Variants in TICRR observed in about 807,000 individuals in gnomAD.
TICRR encodes the protein TOPBP1 interacting checkpoint and replication regulator.
Under a neutral mutation model 178.1 loss-of-function variants are expected in TICRR, and 132 were observed. That is an observed-to-expected ratio of 0.74 (90% CI 0.64 to 0.86). TICRR has a LOEUF of 0.86. Among genes scored for constraint, TICRR ranks in the 40% least tolerant of loss-of-function variants. The probability of loss-of-function intolerance (pLI) is 0.00; values close to 1 mark genes in which losing one functional copy is unlikely to be tolerated. For missense variants in TICRR, 2,587 were observed against 2,334.3 expected, an observed-to-expected ratio of 1.11 and a Z score of -2.23; for synonymous variants, 991 against 900.7, an observed-to-expected ratio of 1.10 and a Z score of -1.79.
chr15:89,624,569 C>T lies in TICRR; in HGVS notation c.4259C>T (p.Ser1420Phe). The T allele has an allele frequency of 1.2e-6, 2 of 1,613,908 alleles. No individual in the cohort carries two copies. The highest frequency in any genetic ancestry group is 1.1e-5 in the South Asian group (1 of 91,076). The change falls in exon 20 of 22, where the codon TCT becomes TTT. Residue 1420 changes from serine (S) to phenylalanine (F), a missense_variant. Coordinates refer to ENST00000268138, the MANE Select transcript of TICRR (RefSeq NM_152259.4). ...TADSPAAPTD[S>F]RDDQKGLSLS... ...GACAGCCCAGCTGCCCCCACAGACT[C>T]TAGAGATGACCAGAAGGGACTGAGC...
chr15:89,624,788 C>T lies in TICRR; in HGVS notation c.4478C>T (p.Thr1493Ile), dbSNP rs900265007. 6.2e-7 allele frequency: 1 copy of T among 1,614,202 alleles called. No homozygotes were observed. The highest frequency in any genetic ancestry group is 8.5e-7 in the Non-Finnish European group (1 of 1,180,042). ...LSVEEGEGLR[T>I]ADAEKSSLSH... Reference sequence around the variant, plus strand: ...GTGGAAGAGGGTGAGGGGCTAAGGACAGCAGATGCTGAGAAGTCTTCTCTG... The same window carrying T: ...GTGGAAGAGGGTGAGGGGCTAAGGATAGCAGATGCTGAGAAGTCTTCTCTG... The change falls in exon 20 of 22, where the codon ACA becomes ATA. Residue 1493 changes from threonine (T) to isoleucine (I), a missense_variant. Physicochemically the swap from Thr to Ile is moderately conservative, Grantham distance 89. Coordinates refer to ENST00000268138, the MANE Select transcript of TICRR (RefSeq NM_152259.4).
intron 4 of TICRR, among the ~76,000 whole-genome samples, chr15:89,589,593 A>G (rs1027644609): frequency 2.1e-4 from 32 of 152,214 alleles, no homozygotes; most frequent in Admixed American, 4.6e-4. Flanking sequence ...CTAATCCAGC[A>G]TACAACGACT....
At chr15:89,582,242 TGAACCTGAGAGGTGGA>T (rs1170820656) in intron 1 of TICRR, 1 of 151,624 alleles carries the variant, frequency 6.6e-6, no homozygotes, top group Non-Finnish European at 1.5e-5. Context: ...GAGAATCGCT[TGAACCTGAGAGGTGGA>T]GGTTCCTGTG....
intron 15 of TICRR, 117 bp from the exon 16 acceptor site, chr15:89,616,288 G>T (rs1596055741): frequency 2.7e-6 from 2 of 753,676 alleles, no homozygotes; most frequent in East Asian, 2.7e-5. Context: ...AGACCATTAA[G>T]ATCCTCTCCA....
chr15:89,611,213 G>C (rs1286443030), intron 15 of TICRR, among the ~76,000 whole-genome samples: 1 of 151,914 alleles, frequency 6.6e-6, no homozygotes, highest in African/African-American at 2.4e-5. Context: ...AACTCCCTCA[G>C]CTTTTATCTA....
At chr15:89,603,404 C>G (rs556994774) in intron 13 of TICRR, among the ~76,000 whole-genome samples, 1 of 152,138 alleles carries the variant, frequency 6.6e-6, no homozygotes, top group Non-Finnish European at 1.5e-5. Context: ...TAGCGAGACC[C>G]TGTCTCTACA....
intron 1 of TICRR, 139 bp downstream of exon 1, chr15:89,576,379 A>C: frequency 1.2e-6 from 1 of 857,654 alleles, no homozygotes; most frequent in Non-Finnish European, 1.7e-6. Context: ...GAAACAAATA[A>C]ATAGGAACAG....
At position 89,625,452 on chromosome 15, in the gene TICRR, A is replaced by G. The variant is rs1462082168; in HGVS notation, c.5142A>G (p.Ser1714=). The change falls in exon 20 of 22, where the codon TCA becomes TCG. Residue 1714 remains serine (S), a synonymous_variant. Transcript: ENST00000268138. ...GTGCAGACCTTCCTGGGAGCCTGTC[A>G]CTGCTTGAGTCAGAGGGCAAGGACC... is the stretch of plus-strand genomic sequence containing the variant. ...EVGADLPGSL[S]LLESEGKDHG... The G allele has an allele frequency of 6.2e-7, 1 of 1,613,950 alleles. No homozygotes were observed.
chr15:89,601,393 C>A lies in TICRR; in HGVS notation c.2247+2C>A. ...GATATGGAACAAGTAGTGGAGGAGG[C>A]AAGTATATAGTTTCGTGCCATTGAA... is the stretch of plus-strand genomic sequence containing the variant. On this transcript the variant is annotated splice_donor_variant, in intron 10 of 21. Transcript: ENST00000268138. LOFTEE classifies it high-confidence loss of function. 1 of 1,613,860 alleles carries A rather than the reference C, an allele frequency of 6.2e-7. No individual in the cohort carries two copies. Among genetic ancestry groups the A allele is most frequent in the Admixed American group, 1.7e-5 (1 of 60,002 alleles).
intron 5 of TICRR, among the ~76,000 whole-genome samples, chr15:89,592,849 A>C (rs997760277): frequency 2.0e-5 from 3 of 152,214 alleles, no homozygotes; most frequent in Non-Finnish European, 4.4e-5. Context: ...AGTTGTTCCA[A>C]CACCATTTGC....
In TICRR at chr15:89,595,472, G is replaced by T. The variant is rs185656063; in HGVS notation, c.1761G>T (p.Leu587=). 15 of 1,614,054 alleles carry T rather than the reference G, an allele frequency of 9.3e-6. No homozygotes were observed. Among genetic ancestry groups the T allele is most frequent in the Middle Eastern group, 1.6e-4 (1 of 6,070 alleles). The change falls in exon 7 of 22, where the codon CTG becomes CTT. Residue 587 remains leucine (L), a synonymous_variant. Coordinates refer to ENST00000268138, the MANE Select transcript of TICRR (RefSeq NM_152259.4). ...RSLKMLNVAR[L]NVKAQKLHPD... ...TAAAGATGTTGAATGTCGCAAGGCT[G>T]AATGTGAAGGCCCAGAAGTTACATC... is the stretch of plus-strand genomic sequence containing the variant.
intron 15 of TICRR, among the ~76,000 whole-genome samples, chr15:89,609,980 T>G (rs1963233452): frequency 6.6e-6 from 1 of 152,232 alleles, no homozygotes. Flanking sequence ...TAATTTCCCT[T>G]GTGATTTCTT....
rs964369758 is a variant in TICRR at position 89,623,956 on chromosome 15, G to A, written c.3646G>A (p.Val1216Met). 2 of 1,613,934 alleles carry A rather than the reference G, an allele frequency of 1.2e-6. No homozygotes were observed. Among genetic ancestry groups the A allele is most frequent in the African/African-American group, 2.7e-5 (2 of 74,888 alleles). The change falls in exon 20 of 22, where the codon GTG becomes ATG. Residue 1216 changes from valine to methionine, a missense_variant. Val to Met is a conservative substitution (Grantham distance 21). Coordinates refer to ENST00000268138, the MANE Select transcript of TICRR (RefSeq NM_152259.4). ...GCCAAACTGTACTTGGCCACATTCA[G>A]TGAATTCCAGTCCAGAAAGCCCCTC... ...FLPNCTWPHSVNSSPESPSCP... is the reference protein window; with the variant it reads ...FLPNCTWPHSMNSSPESPSCP...
intron 5 of TICRR, among the ~76,000 whole-genome samples, chr15:89,593,083 AT>A (rs762494588): frequency 2.0e-5 from 3 of 152,142 alleles, no homozygotes; most frequent in African/African-American, 7.2e-5. Flanking sequence ...TTTTTTTAAA[AT>A]TTTTTTGGTT....
Position 89,623,754 on chromosome 15 carries a change from A to C in TICRR, c.3444A>C (p.Thr1148=), listed in dbSNP as rs771842678. The change falls in exon 20 of 22, where the codon ACA becomes ACC. Residue 1148 remains threonine (T), a synonymous_variant. Transcript: ENST00000268138. ...AGTCCCCTGCAAAAATGACCCCTAC[A>C]AAGCAGGCAGCTTTTAAGGAGTCCT... ...LQKSPAKMTP[T]KQAAFKESLK... 3.1e-6 allele frequency: 5 copies of C among 1,613,942 alleles called. No homozygotes were observed. The highest frequency in any genetic ancestry group is 1.7e-6 in the Non-Finnish European group (2 of 1,180,018).
intron 1 of TICRR, among the ~76,000 whole-genome samples, chr15:89,576,602 G>A (rs1962618826): frequency 6.6e-6 from 1 of 151,902 alleles, no homozygotes; most frequent in Non-Finnish European, 1.5e-5. Flanking sequence ...CACTCTTCCA[G>A]GCCAGTCTTA....
In TICRR at chr15:89,625,382, C is replaced by A. The variant is rs749490163; in HGVS notation, c.5072C>A (p.Ala1691Glu). ...IIKDWPRRKRAVGCGAGSSSG... is the reference protein window; with the variant it reads ...IIKDWPRRKREVGCGAGSSSG... Reference sequence around the variant, plus strand: ...AAAGACTGGCCCAGGAGGAAGAGGGCGGTGGGCTGTGGCGCCGGCTCCTCT... The same window carrying A: ...AAAGACTGGCCCAGGAGGAAGAGGGAGGTGGGCTGTGGCGCCGGCTCCTCT... The change falls in exon 20 of 22, where the codon GCG becomes GAG. Residue 1691 changes from alanine to glutamate, a missense_variant. Physicochemically the swap from Ala to Glu is moderately radical, Grantham distance 107 (BLOSUM62 -1). Transcript: ENST00000268138. 2 of 1,613,938 alleles carry A rather than the reference C, an allele frequency of 1.2e-6. No individual in the cohort carries two copies. The highest frequency in any genetic ancestry group is 2.2e-5 in the South Asian group (2 of 91,088).
intron 6 of TICRR, among the ~76,000 whole-genome samples, chr15:89,595,104 C>T (rs1962974951): frequency 6.6e-6 from 1 of 152,022 alleles, no homozygotes; most frequent in African/African-American, 2.4e-5. Context: ...TGGGTAACAC[C>T]AAAATAAGTC....
At chr15:89,601,161 A>G (rs1000707713) in intron 9 of TICRR, 137 bp from the exon 10 acceptor site, 3 of 632,172 alleles carry the variant, frequency 4.7e-6, no homozygotes, top group South Asian at 2.2e-5. Context: ...TAATAACTAC[A>G]TCAGTTTTTA....
Sources: allele counts gnomAD v4.1 joint callset (sites outside exome capture counted in the v4.1 genomes callset), GRCh38; gene constraint gnomAD v4.1.1; transcripts MANE v1.5; gene names NCBI Gene and HGNC (gene_info 2026-07-23, HGNC 2026-07-21).